Variants in ARHGEF3 observed in about 807,000 individuals in gnomAD.
The protein encoded by ARHGEF3 is 59.8 kDA protein.
A neutral mutation model predicts 63.2 loss-of-function variants in ARHGEF3; 28 were observed. The observed-to-expected ratio is 0.44, with a 90% CI of 0.33 to 0.61. The LOEUF is 0.61. ARHGEF3 is among the 20% of genes least tolerant of loss of function. The probability of loss-of-function intolerance (pLI) is 0.03; values close to 1 mark genes in which losing one functional copy is unlikely to be tolerated. For missense variants in ARHGEF3, 533 were observed against 659.3 expected (o/e 0.81, Z 2.10); for synonymous variants, 266 against 254.2 (o/e 1.05, Z -0.44).
chr3:56,743,588 C>T (rs1307796848), intron 7 of ARHGEF3, among the ~76,000 whole-genome samples: 1 of 152,114 alleles, frequency 6.6e-6, no homozygotes, highest in Non-Finnish European at 1.5e-5. Context: ...ACCTATGAGG[C>T]AAATTACATA....
intron 2 of ARHGEF3, among the ~76,000 whole-genome samples, chr3:56,989,556 A>G (rs912672752): frequency 6.6e-6 from 1 of 152,206 alleles, no homozygotes; most frequent in African/African-American, 2.4e-5. Context: ...TGGCTGAGCA[A>G]TCACAGTGGC....
At chr3:57,033,752 A>G (rs1703832749) in intron 2 of ARHGEF3, among the ~76,000 whole-genome samples, 1 of 152,128 alleles carries the variant, frequency 6.6e-6, no homozygotes, top group East Asian at 1.9e-4. Context: ...TTATAAATAA[A>G]ATTAATTTTA....
intron 3 of ARHGEF3, among the ~76,000 whole-genome samples, chr3:56,936,767 T>C (rs1698926376): frequency 6.6e-6 from 1 of 152,230 alleles, no homozygotes; most frequent in African/African-American, 2.4e-5. Flanking sequence ...TTGCCCAGGC[T>C]GGACTGCAGT....
At chr3:56,806,251 A>G (rs1309937758), upstream of ARHGEF3, among the ~76,000 whole-genome samples, 1 of 152,194 alleles carries the variant, frequency 6.6e-6, no homozygotes, top group Non-Finnish European at 1.5e-5. Context: ...ACTGTCAGAA[A>G]ACAGGCACCC....
At chr3:56,788,921 C>G (rs2036947252) in intron 1 of ARHGEF3, among the ~76,000 whole-genome samples, 1 of 152,118 alleles carries the variant, frequency 6.6e-6, no homozygotes, top group South Asian at 2.1e-4. Context: ...TAACTCTGAT[C>G]TCTTTATTTC....
intron 3 of ARHGEF3, among the ~76,000 whole-genome samples, chr3:56,943,595 G>T (rs1159566574): frequency 6.6e-6 from 1 of 152,078 alleles, no homozygotes; most frequent in African/African-American, 2.4e-5. Flanking sequence ...GAGTCATTTT[G>T]ACTTTCAAGT....
chr3:56,811,449 C>T (rs192492476), intron 4 of ARHGEF3, among the ~76,000 whole-genome samples: 2 of 152,194 alleles, frequency 1.3e-5, no homozygotes, highest in East Asian at 3.9e-4. Flanking sequence ...GAAACAGGTT[C>T]GGGGACTCCT....
chr3:57,017,109 G>A (rs965219380), intron 2 of ARHGEF3, among the ~76,000 whole-genome samples: 2 of 151,004 alleles, frequency 1.3e-5, no homozygotes, highest in East Asian at 3.9e-4. Context: ...CACCACTAAA[G>A]AGCAAAATAA....
At chr3:56,943,054 T>C (rs533032566) in intron 3 of ARHGEF3, among the ~76,000 whole-genome samples, 15 of 152,360 alleles carry the variant, frequency 9.8e-5, no homozygotes, top group Admixed American at 3.3e-4. Flanking sequence ...AGTCCTGATG[T>C]AGAAGCTGCA....
intron 4 of ARHGEF3, among the ~76,000 whole-genome samples, chr3:56,867,201 A>G (rs2040278489): frequency 6.6e-6 from 1 of 152,324 alleles, no homozygotes; most frequent in Non-Finnish European, 1.5e-5. Flanking sequence ...AACCTTCCAA[A>G]GACAGCATGT....
chr3:56,770,275 T>A (rs2035932701), intron 2 of ARHGEF3, among the ~76,000 whole-genome samples: 1 of 152,062 alleles, frequency 6.6e-6, no homozygotes, highest in African/African-American at 2.4e-5. Context: ...CCAGGTGTGA[T>A]GGTGGGCACC....
chr3:56,829,281 T>C (rs1308678014), intron 4 of ARHGEF3, among the ~76,000 whole-genome samples: 1 of 152,232 alleles, frequency 6.6e-6, no homozygotes, highest in Non-Finnish European at 1.5e-5. Flanking sequence ...GCGGAAGACA[T>C]GTCTTTGGCA....
chr3:56,799,362 A>G (rs930282134), intron 1 of ARHGEF3, among the ~76,000 whole-genome samples: 19 of 152,236 alleles, frequency 1.2e-4, no homozygotes, highest in African/African-American at 4.6e-4. Flanking sequence ...ACACACGGCC[A>G]TTAAATGTTT....
intron 2 of ARHGEF3, among the ~76,000 whole-genome samples, chr3:57,011,888 T>C (rs1209716040): frequency 6.6e-6 from 1 of 152,106 alleles, no homozygotes; most frequent in East Asian, 1.9e-4. Context: ...ATTTGCACTA[T>C]GAGGAAGGAA....
At chr3:56,839,203 C>T (rs1453462675) in intron 4 of ARHGEF3, among the ~76,000 whole-genome samples, 1 of 151,910 alleles carries the variant, frequency 6.6e-6, no homozygotes, top group Non-Finnish European at 1.5e-5. Context: ...TATCCATTTA[C>T]ATAACCAGAT....
At chr3:56,757,053 A>G (rs780818885) in intron 2 of ARHGEF3, among the ~76,000 whole-genome samples, 4 of 152,238 alleles carry the variant, frequency 2.6e-5, no homozygotes, top group Non-Finnish European at 5.9e-5. Flanking sequence ...TTTGCTTATG[A>G]CATATGAGCC....
chr3:56,982,162 G>A (rs1701350618), intron 2 of ARHGEF3, among the ~76,000 whole-genome samples: 1 of 151,978 alleles, frequency 6.6e-6, no homozygotes, highest in African/African-American at 2.4e-5. Flanking sequence ...GAGAGAGAAG[G>A]CTCCTAATGA....
chr3:56,732,126 A>G, intron 9 of ARHGEF3, 112 bp downstream of exon 9: 6 of 1,255,706 alleles, frequency 4.8e-6, no homozygotes, highest in Non-Finnish European at 4.5e-6. Flanking sequence ...ATAGCATACA[A>G]ATGCAGTTTG....
chr3:56,971,648 G>C (rs191204191), intron 2 of ARHGEF3, among the ~76,000 whole-genome samples: 1 of 151,394 alleles, frequency 6.6e-6, no homozygotes, highest in Non-Finnish European at 1.5e-5. Context: ...TCAGGAGATC[G>C]AGACCATCCT....
Sources: allele counts gnomAD v4.1 joint callset (sites outside exome capture counted in the v4.1 genomes callset), GRCh38; gene constraint gnomAD v4.1.1; transcripts MANE v1.5; gene names NCBI Gene and HGNC (gene_info 2026-07-23, HGNC 2026-07-21).